LCT: variants seen among roughly 807,000 people sequenced by gnomAD.
The protein encoded by LCT is lactase/phlorizin hydrolase.
LCT carries 90 observed loss-of-function variants against 173.0 expected under a neutral mutation model. The observed-to-expected ratio is 0.52, with a 90% confidence interval of 0.44 to 0.62. The LOEUF (loss-of-function observed/expected upper bound fraction) is 0.62. LCT is among the 20% of genes least tolerant of loss of function. The pLI is 0.00. For synonymous variants in LCT, 853 were observed against 957.6 expected, an observed-to-expected ratio of 0.89 and a Z score of 2.02; for missense variants, 1,864 against 2,431.4, an observed-to-expected ratio of 0.77 and a Z score of 4.91.
At chr2:135,807,016 T>G in intron 9 of LCT, 112 bp downstream of exon 9, 1 of 1,257,122 alleles carries the variant, frequency 8.0e-7, no homozygotes, top group Non-Finnish European at 1.1e-6. Context: ...TGCCCCTCCA[T>G]GGGTCTGCTG....
chr2:135,821,189 T>C (rs2077826441), intron 5 of LCT, among the ~76,000 whole-genome samples: 1 of 152,208 alleles, frequency 6.6e-6, no homozygotes, highest in African/African-American at 2.4e-5. Context: ...CAATCTGCTC[T>C]AATTTTTTAA....
At chr2:135,829,801 CAAAGGA>C in intron 2 of LCT, 125 bp from the exon 3 acceptor site, 1 of 664,676 alleles carries the variant, frequency 1.5e-6, no homozygotes. Flanking sequence ...CAGGATTTTC[CAAAGGA>C]AAAGATGGAG....
At chr2:135,813,542 C>G (rs533827827) in intron 6 of LCT, among the ~76,000 whole-genome samples, 2 of 152,166 alleles carry the variant, frequency 1.3e-5, no homozygotes, top group Non-Finnish European at 2.9e-5. Flanking sequence ...TAATCCTCAC[C>G]ACAACCTCAT....
In LCT at chr2:135,809,444, G is replaced by A. The variant is rs1297397132; in HGVS notation, c.2903C>T (p.Ala968Val). The A allele has an allele frequency of 6.2e-7, 1 of 1,614,210 alleles. No individual in the cohort carries two copies. The highest frequency in any genetic ancestry group is 1.7e-5 in the Admixed American group (1 of 60,028). ...GAAGCGGTAGGCCTTCACCTTCAAAGCTCGGAGCATATTCAGATCGGCATC... is the reference window on the plus strand; with the variant it reads ...GAAGCGGTAGGCCTTCACCTTCAAAACTCGGAGCATATTCAGATCGGCATC... ...QLDADLNMLRALKVKAYRFSI... is the reference protein window; with the variant it reads ...QLDADLNMLRVLKVKAYRFSI... The change falls in exon 8 of 17, where the codon GCT becomes GTT. Residue 968 changes from alanine to valine, a missense_variant. This residue lies in a region of LCT where 755 missense variants were observed against 926.3 expected (regional missense o/e 0.82). Transcript: ENST00000264162. The surrounding 1 kb of genome is among the most constrained non-coding windows in gnomAD (Gnocchi z 5.5).
chr2:135,829,163 C>A (rs1335135331), intron 3 of LCT, among the ~76,000 whole-genome samples: 22 of 152,040 alleles, frequency 1.4e-4, no homozygotes, highest in Admixed American at 1.4e-3. Flanking sequence ...TGCACCCCAG[C>A]CTGGGCAACC....
chr2:135,816,196 C>T (rs1344435834), intron 6 of LCT, among the ~76,000 whole-genome samples: 3 of 152,198 alleles, frequency 2.0e-5, no homozygotes, highest in Non-Finnish European at 2.9e-5. Flanking sequence ...CTTGTTGAAA[C>T]GATGCCCTGA....
intron 2 of LCT, among the ~76,000 whole-genome samples, chr2:135,832,115 C>T (rs1351347926): frequency 6.6e-6 from 1 of 151,940 alleles, no homozygotes; most frequent in African/African-American, 2.4e-5. Flanking sequence ...ACTTGGGAGG[C>T]TGAGGCAGGA....
intron 9 of LCT, 121 bp downstream of exon 9, chr2:135,807,007 G>GC (rs1214100613): frequency 8.7e-7 from 1 of 1,152,028 alleles, no homozygotes; most frequent in African/African-American, 1.5e-5. Flanking sequence ...ACCCCATGCT[G>GC]CCCCTCCATG....
rs1238406390 is a variant in LCT, at chr2:135,809,068, T to C, written c.3279A>G (p.Ile1093Met). ...CATGGGCTTTGATGACGGCGTGGGC[T>C]ATCCTATATGGTGCCCAGCCTGGGT... ...VKDPGWAPYR[I>M]AHAVIKAHAR... Residue 1093 changes from isoleucine (I) to methionine (M), a missense_variant, in exon 8 of 17, where the codon ATA becomes ATG. By Grantham distance (10) the Ile-to-Met change is conservative. This residue lies in a region of LCT where 755 missense variants were observed against 926.3 expected (regional missense o/e 0.82). Coordinates refer to ENST00000264162, the MANE Select transcript of LCT (RefSeq NM_002299.4). This position sits in a 1 kb window ranked among gnomAD's most constrained non-coding sequence, Gnocchi z 5.5. 2 of 1,613,826 alleles carry C rather than the reference T, an allele frequency of 1.2e-6. No individual in the cohort carries two copies. The highest frequency in any genetic ancestry group is 1.7e-6 in the Non-Finnish European group (2 of 1,179,990).
intron 12 of LCT, among the ~76,000 whole-genome samples, chr2:135,798,674 T>C (rs1443279543): frequency 6.6e-6 from 1 of 152,230 alleles, no homozygotes; most frequent in African/African-American, 2.4e-5. Context: ...TTTTCTCTAA[T>C]GAGGCCTAGG....
intron 11 of LCT, among the ~76,000 whole-genome samples, chr2:135,803,192 G>A (rs1055424922): frequency 2.6e-5 from 4 of 152,102 alleles, no homozygotes; most frequent in African/African-American, 9.7e-5. Flanking sequence ...AGAGGACTCC[G>A]AATTTTCCCA....
intron 13 of LCT, among the ~76,000 whole-genome samples, chr2:135,795,449 T>TC (rs1459507047): frequency 6.6e-6 from 1 of 151,952 alleles, no homozygotes; most frequent in African/African-American, 2.4e-5. Flanking sequence ...CCTCAAGTGA[T>TC]CCGCCCACCT....
In LCT at chr2:135,804,051, C is replaced by T. The variant is rs762365409; in HGVS notation, c.4542G>A (p.Arg1514=). 16 of 1,614,052 alleles carry T rather than the reference C, an allele frequency of 9.9e-6. No individual in the cohort carries two copies. The East Asian group carries it at 1.3e-4, about 13-fold the overall frequency. ...AGAGCACATCTGCATACTCCTTAAA[C>T]CGCTGCACGATGGTCTCATTCTCCC... ...GGWENETIVQ[R]FKEYADVLFQ... is the part of the protein sequence containing the mutation. Residue 1514 remains arginine (R), a synonymous_variant, in exon 11 of 17, where the codon CGG becomes CGA. Coordinates refer to ENST00000264162, the MANE Select transcript of LCT (RefSeq NM_002299.4).
At chr2:135,800,548 A>C (rs1162843434) in intron 12 of LCT, 59 bp downstream of exon 12, 1 of 1,385,358 alleles carries the variant, frequency 7.2e-7, no homozygotes, top group Non-Finnish European at 1.0e-6. Context: ...ATCTGTTTCC[A>C]TTAGGCTGGA....
At chr2:135,800,857 T>C (rs2077620841) in intron 11 of LCT, 48 bp from the exon 12 acceptor site, 3 of 1,443,494 alleles carry the variant, frequency 2.1e-6, no homozygotes, top group Non-Finnish European at 2.9e-6. Context: ...AGAATGGATG[T>C]GACTGAGATT....
chr2:135,832,216 CA>C lies in LCT; in HGVS notation c.720+894del, dbSNP rs781230596. On this transcript the variant is annotated intron_variant, in intron 2 of 16. Coordinates refer to ENST00000264162, the MANE Select transcript of LCT (RefSeq NM_002299.4). ...GGGCAACAAGAATGAAACTCCATCT[CA>C]AAAAAAAAATAAAATAAAAAATATA... Among the ~76,000 whole-genome samples the C allele has an allele frequency of 3.5e-4, 51 of 144,496 alleles. No individual in the cohort carries two copies. The South Asian group carries it at 5.6e-3, about 16-fold the overall frequency. 94.8% of individuals were successfully genotyped at this position (144,496 alleles called of 152,430 possible). A position where few individuals can be genotyped will look rare whatever the true frequency, so the allele number is the denominator to read the frequency against.
chr2:135,823,846 A>G (rs2077859129), intron 4 of LCT, 55 bp downstream of exon 4: 1 of 1,181,082 alleles, frequency 8.5e-7, no homozygotes, highest in Admixed American at 1.7e-5. Context: ...ACTGCTACCT[A>G]GCACACCAGT....
rs2077598707 is a variant in LCT, at chr2:135,798,212, G to A, written c.4867-74C>T. 3.6e-6 allele frequency: 3 copies of A among 832,158 alleles called. No homozygotes were observed. The South Asian group carries it at 4.0e-5, about 11-fold the overall frequency. 51.5% of individuals were successfully genotyped at this position (832,158 alleles called of 1,614,324 possible). On this transcript the variant is annotated intron_variant, in intron 12 of 16. Transcript: ENST00000264162. Reference sequence around the variant, plus strand: ...CAAGAGACAGCATCGTCCCCGCTCAGAAGTGCCTGGCCTCACAACCTCCCT... The same window carrying A: ...CAAGAGACAGCATCGTCCCCGCTCAAAAGTGCCTGGCCTCACAACCTCCCT...
intron 13 of LCT, among the ~76,000 whole-genome samples, chr2:135,797,725 T>C (rs1177706311): frequency 6.6e-6 from 1 of 152,160 alleles, no homozygotes; most frequent in African/African-American, 2.4e-5. Context: ...CCACCCACAT[T>C]CACACGTGCG....
Sources: allele counts gnomAD v4.1 joint callset (sites outside exome capture counted in the v4.1 genomes callset), GRCh38; gene constraint gnomAD v4.1.1; regional missense constraint gnomAD v4.1.1; non-coding constraint Gnocchi (gnomAD v3.1); transcripts MANE v1.5; gene names NCBI Gene and HGNC (gene_info 2026-07-23, HGNC 2026-07-21).